The following PARP15 variants were observed in gnomAD, a reference collection of about 807,000 sequenced individuals.
PARP15 encodes protein mono-ADP-ribosyltransferase PARP15.
A neutral mutation model predicts 62.1 loss-of-function variants in PARP15; 50 were observed. The observed-to-expected ratio is 0.81, with a 90% CI of 0.64 to 1.02. The LOEUF is 1.02. Ranked by LOEUF, PARP15 falls within the 50% of genes least tolerant of loss-of-function variation. The pLI is 0.00. For missense variants in PARP15, 820 were observed against 826.5 expected, an observed-to-expected ratio of 0.99 and a Z score of 0.10; for synonymous variants, 309 against 293.1, an observed-to-expected ratio of 1.05 and a Z score of -0.55.
At chr3:122,626,158 T>G (rs1171753818) in intron 8 of PARP15, among the ~76,000 whole-genome samples, 1 of 151,798 alleles carries the variant, frequency 6.6e-6, no homozygotes, top group Non-Finnish European at 1.5e-5. Flanking sequence ...GGATGCATTC[T>G]GGCTAAATGT....
At chr3:122,630,361 C>G (rs768930970) in intron 9 of PARP15, among the ~76,000 whole-genome samples, 9 of 152,280 alleles carry the variant, frequency 5.9e-5, no homozygotes, top group Admixed American at 2.6e-4. Context: ...CAAGAAAATA[C>G]CTTTGGCTTT....
Position 122,619,855 on chromosome 3 carries a change from T to C in PARP15, c.1063+12T>C. 6.2e-7 allele frequency: 1 copy of C among 1,608,060 alleles called. No homozygotes were observed. The highest frequency in any genetic ancestry group is 8.5e-7 in the Non-Finnish European group (1 of 1,174,482). ...ATGTGCTGTACTAGGTATGGGCACATGTTACTTTTGACTACAAACTTGAAA... is the reference window on the plus strand; with the variant it reads ...ATGTGCTGTACTAGGTATGGGCACACGTTACTTTTGACTACAAACTTGAAA... On this transcript the variant is annotated intron_variant, in intron 7 of 11. Transcript: ENST00000464300.
At position 122,577,726 on chromosome 3, in the gene PARP15, G is replaced by C. The variant is rs774414864; in HGVS notation, c.59G>C (p.Arg20Thr). Residue 20 changes from arginine to threonine, a missense_variant, in exon 1 of 12, where the codon AGA becomes ACA. By Grantham distance (71) the Arg-to-Thr change is moderately conservative. Coordinates refer to ENST00000464300, the MANE Select transcript of PARP15 (RefSeq NM_001113523.3). ...AALSPGAPTP[R>T]ELMHGVAGVT... Reference sequence around the variant, plus strand: ...CTGAGTCCAGGGGCTCCGACCCCCAGAGAACTTATGCACGGAGTTGCAGGT... The same window carrying C: ...CTGAGTCCAGGGGCTCCGACCCCCACAGAACTTATGCACGGAGTTGCAGGT... 140 of 1,551,610 alleles carry C rather than the reference G, an allele frequency of 9.0e-5. 1 individual carries two copies. In the African/African-American group the frequency reaches 1.8e-3, roughly 20 times the overall value.
intron 1 of PARP15, among the ~76,000 whole-genome samples, chr3:122,599,922 T>C (rs1280390670): frequency 6.6e-6 from 1 of 152,198 alleles, no homozygotes; most frequent in African/African-American, 2.4e-5. Flanking sequence ...ATTGTTAAGA[T>C]TAAATTAAGT....
chr3:122,599,683 T>C (rs1934645212), intron 1 of PARP15, among the ~76,000 whole-genome samples: 1 of 152,166 alleles, frequency 6.6e-6, no homozygotes, highest in Non-Finnish European at 1.5e-5. Context: ...TAGTAATCTT[T>C]CCACTTCAGC....
Position 122,613,255 on chromosome 3 carries a change from A to G in PARP15, c.758A>G (p.Asp253Gly). ...EVHFLVYTNDDEGCQAFLDEF... is the reference protein window; with the variant it reads ...EVHFLVYTNDGEGCQAFLDEF... ...CACTTTCTGGTATATACAAATGACG[A>G]TGAAGGCTGTCAGGTATGGTTACAT... The change falls in exon 4 of 12, where the codon GAT becomes GGT. Residue 253 changes from aspartate (D) to glycine (G), a missense_variant. Transcript: ENST00000464300. 2 of 1,546,200 alleles carry G rather than the reference A, an allele frequency of 1.3e-6. No homozygotes were observed. The highest frequency in any genetic ancestry group is 1.8e-6 in the Non-Finnish European group (2 of 1,141,678).
chr3:122,603,682 A>G lies in PARP15; in HGVS notation c.187-2254A>G, dbSNP rs1223242416. On this transcript the variant is annotated intron_variant, in intron 1 of 11. Coordinates refer to ENST00000464300, the MANE Select transcript of PARP15 (RefSeq NM_001113523.3). ...TGGGAGGTTTTCTAGTCTTCACATC[A>G]ATGCTTTAAGACTCTCACCCAAAGT... Among the ~76,000 whole-genome samples the G allele has an allele frequency of 2.6e-5, 4 of 152,320 alleles. No homozygotes were observed. In the East Asian group the frequency reaches 7.7e-4, roughly 29 times the overall value.
At chr3:122,598,840 A>G (rs1187998431) in intron 1 of PARP15, among the ~76,000 whole-genome samples, 2 of 152,158 alleles carry the variant, frequency 1.3e-5, no homozygotes, top group Non-Finnish European at 2.9e-5. Flanking sequence ...TAAGCCATCT[A>G]TATAGAAATA....
chr3:122,613,473 G>C (rs1488662664), intron 4 of PARP15, among the ~76,000 whole-genome samples: 6 of 152,194 alleles, frequency 3.9e-5, no homozygotes, highest in African/African-American at 1.4e-4. Context: ...AAGCTAATCT[G>C]TAATAAATAC....
intron 1 of PARP15, among the ~76,000 whole-genome samples, chr3:122,590,249 A>G (rs969876172): frequency 1.3e-5 from 2 of 151,458 alleles, no homozygotes; most frequent in African/African-American, 4.9e-5. Flanking sequence ...TCCTCACCTT[A>G]TTTGGATGAC....
chr3:122,588,887 C>T (rs1933657485), intron 1 of PARP15, among the ~76,000 whole-genome samples: 1 of 152,160 alleles, frequency 6.6e-6, no homozygotes, highest in Admixed American at 6.5e-5. Flanking sequence ...AGGTATGTTG[C>T]AGAATGTATA....
At chr3:122,595,413 C>T (rs1934258112) in intron 1 of PARP15, among the ~76,000 whole-genome samples, 1 of 152,100 alleles carries the variant, frequency 6.6e-6, no homozygotes, top group Non-Finnish European at 1.5e-5. Flanking sequence ...GACTCAATAT[C>T]CTCTTTTCAG....
At chr3:122,618,483 A>T (rs931867829) in intron 6 of PARP15, among the ~76,000 whole-genome samples, 1 of 152,210 alleles carries the variant, frequency 6.6e-6, no homozygotes, top group Non-Finnish European at 1.5e-5. Flanking sequence ...CGAGAAGAGT[A>T]GCCCCAGAGA....
In PARP15 at chr3:122,632,207, C is replaced by A; in HGVS notation, c.1560C>A (p.Tyr520Ter). ...KDKFTRTCSS[Y>*]AIEKIERIQN... is the part of the protein sequence containing the mutation. ...AGTTCACCCGAACTTGTTCTTCCTA[C>A]GCAATAGAGAAGGTAATACTGTGTT... The change falls in exon 10 of 12, where the codon TAC becomes TAA. Residue 520 changes from tyrosine to a stop codon, truncating the protein, a stop_gained. Transcript: ENST00000464300. LOFTEE classifies it high-confidence loss of function. The A allele has an allele frequency of 6.2e-7, 1 of 1,613,264 alleles. No individual in the cohort carries two copies.
chr3:122,628,021 A>G (rs1472477562), intron 9 of PARP15, among the ~76,000 whole-genome samples: 1 of 152,210 alleles, frequency 6.6e-6, no homozygotes, highest in Admixed American at 6.5e-5. Flanking sequence ...TGCTCATATA[A>G]TAATATCATC....
In PARP15 at chr3:122,638,096, A is replaced by G. The variant is rs964848394; in HGVS notation, c.*1996A>G. The G allele has an allele frequency of 6.6e-5, 10 of 152,156 alleles. No homozygotes were observed. Among genetic ancestry groups the G allele is most frequent in the Admixed American group, 5.9e-4 (9 of 15,274 alleles). 9.4% of individuals were successfully genotyped at this position (152,156 alleles called of 1,614,324 possible). ...TAGTTTGCTGAGAATGATGGTTTCC[A>G]GCTTCATCCATGTCCCTACAAAGGA... On this transcript the variant is annotated 3_prime_UTR_variant, in exon 12 of 12. Coordinates refer to ENST00000464300, the MANE Select transcript of PARP15 (RefSeq NM_001113523.3).
chr3:122,594,541 A>T, intron 1 of PARP15: 1 of 983,140 alleles, frequency 1.0e-6, no homozygotes, highest in African/African-American at 1.7e-5. Flanking sequence ...ATTGCTGTGT[A>T]TTCAGGGTAG....
intron 9 of PARP15, among the ~76,000 whole-genome samples, chr3:122,629,761 A>T (rs1033052184): frequency 3.3e-5 from 5 of 152,056 alleles, no homozygotes; most frequent in Non-Finnish European, 5.9e-5. Flanking sequence ...TCTGGGGGTG[A>T]TGGGAGACAG....
At chr3:122,612,733 ATTT>A (rs143169785) in intron 3 of PARP15, among the ~76,000 whole-genome samples, 2 of 148,492 alleles carry the variant, frequency 1.3e-5, no homozygotes, top group Non-Finnish European at 1.5e-5. Context: ...CTGCCAATAC[ATTT>A]TTTTTTTAAC....
Sources: allele counts gnomAD v4.1 joint callset (sites outside exome capture counted in the v4.1 genomes callset), GRCh38; gene constraint gnomAD v4.1.1; transcripts MANE v1.5; gene names NCBI Gene and HGNC (gene_info 2026-07-23, HGNC 2026-07-21).